The following TNPO3 variants were observed in gnomAD, a reference collection of about 807,000 sequenced individuals.
TNPO3 encodes the protein transportin 3.
In TNPO3, 65 loss-of-function variants were observed where a neutral mutation model predicts 122.8. The ratio of observed to expected loss-of-function variants is 0.53; its 90% CI spans 0.43 to 0.65. The LOEUF (loss-of-function observed/expected upper bound fraction) is 0.65. Among genes scored for constraint, TNPO3 ranks in the 30% least tolerant of loss-of-function variants. TNPO3 has a pLI of 0.00. For missense variants in TNPO3, 850 were observed against 1,136.7 expected (o/e 0.75, Z 3.63); for synonymous variants, 372 against 411.2 (o/e 0.90, Z 1.15).
chr7:128,974,407 T>C (rs1164216156), intron 18 of TNPO3, among the ~76,000 whole-genome samples: 1 of 151,142 alleles, frequency 6.6e-6, no homozygotes, highest in African/African-American at 2.4e-5. Flanking sequence ...ACTGATAAAG[T>C]AGGCTGTGAG....
chr7:129,036,732 A>G (rs1041764503), intron 1 of TNPO3, among the ~76,000 whole-genome samples: 2 of 152,186 alleles, frequency 1.3e-5, no homozygotes, highest in Non-Finnish European at 2.9e-5. Context: ...ATAGCTGATT[A>G]ATATATGCAA....
chr7:128,991,218 C>T (rs971159053), intron 10 of TNPO3, among the ~76,000 whole-genome samples: 1 of 152,106 alleles, frequency 6.6e-6, no homozygotes, highest in Admixed American at 6.5e-5. Flanking sequence ...TAAACCTATT[C>T]GACCTCCTTG....
At chr7:128,981,450 T>A (rs1470617292) in intron 14 of TNPO3, among the ~76,000 whole-genome samples, 1 of 152,224 alleles carries the variant, frequency 6.6e-6, no homozygotes, top group Non-Finnish European at 1.5e-5. Context: ...AACTTCATTA[T>A]ATTTTTGTAC....
At chr7:128,959,428 C>A (rs1254318106) in intron 21 of TNPO3, among the ~76,000 whole-genome samples, 1 of 152,212 alleles carries the variant, frequency 6.6e-6, no homozygotes. Flanking sequence ...AACCTCTGGG[C>A]TCAAGCTATC....
At chr7:129,011,862 C>T (rs1803238298) in intron 4 of TNPO3, among the ~76,000 whole-genome samples, 1 of 152,044 alleles carries the variant, frequency 6.6e-6, no homozygotes, top group Non-Finnish European at 1.5e-5. Context: ...TGTATGATCT[C>T]CAGATGGTTT....
At position 129,005,105 on chromosome 7, in the gene TNPO3, G is replaced by A. The variant is rs1403691073; in HGVS notation, c.607C>T (p.Arg203Cys). ...AAGTTAAACCAACTTCCCAAACAGC[G>A]AAAAACCTTCATAAGCATTTTCTCA... Reference protein sequence around the residue: ...TDEKMLMKVFRCLGSWFNLGV... With the variant: ...TDEKMLMKVFCCLGSWFNLGV... The change falls in exon 5 of 23, where the codon CGC becomes TGC. Residue 203 changes from arginine (R) to cysteine (C), a missense_variant. By Grantham distance (180) the Arg-to-Cys change is radical (BLOSUM62 -3). Transcript: ENST00000265388. 10 of 1,613,838 alleles carry A rather than the reference G, an allele frequency of 6.2e-6. No individual in the cohort carries two copies. The highest frequency in any genetic ancestry group is 1.1e-5 in the South Asian group (1 of 91,074).
chr7:129,031,254 A>C (rs1372601010), intron 1 of TNPO3, among the ~76,000 whole-genome samples: 1 of 152,128 alleles, frequency 6.6e-6, no homozygotes, highest in Non-Finnish European at 1.5e-5. Context: ...AGCCGAGATC[A>C]TGCCACAAGC....
intron 9 of TNPO3, among the ~76,000 whole-genome samples, chr7:128,993,304 C>T (rs967900656): frequency 6.6e-6 from 1 of 152,114 alleles, no homozygotes; most frequent in East Asian, 1.9e-4. Context: ...AAATGTTACT[C>T]AGTGATTGTC....
chr7:129,015,093 G>A lies in TNPO3; in HGVS notation c.438C>T (p.Ile146=). 1.2e-6 allele frequency: 2 copies of A among 1,610,862 alleles called. No homozygotes were observed. The highest frequency in any genetic ancestry group is 1.7e-6 in the Non-Finnish European group (2 of 1,179,356). The change falls in exon 4 of 23, where the codon ATC becomes ATT. Residue 146 remains isoleucine (I), a synonymous_variant. Transcript: ENST00000265388. The part of the protein sequence containing the change: ...DVTSLPFLLE[I]LTVLPEEVHS... ...GTACTTCTTCAGGTAACACTGTAAG[G>A]ATCTCCAGCAAAAAAGGCAAAGAAG...
intron 5 of TNPO3, among the ~76,000 whole-genome samples, chr7:129,002,779 G>A (rs547146047): frequency 2.6e-5 from 4 of 151,868 alleles, no homozygotes; most frequent in African/African-American, 4.8e-5. Context: ...TTGGCCGGGC[G>A]CGGTGGCTCA....
In TNPO3 at chr7:129,014,982, T is replaced by C. The variant is rs965217293; in HGVS notation, c.549A>G (p.Leu183=). 3 of 1,588,280 alleles carry C rather than the reference T, an allele frequency of 1.9e-6. No homozygotes were observed. The highest frequency in any genetic ancestry group is 1.4e-5 in the African/African-American group (1 of 73,126). Residue 183 remains leucine (L), a synonymous_variant, in exon 4 of 23, where the codon CTA becomes CTG. Coordinates refer to ENST00000265388, the MANE Select transcript of TNPO3 (RefSeq NM_012470.4). ...TTAGTATTTCAAACTTACTCACCAA[T>C]AGAGATACTACTGTACTAGAGTAGA... ...LAFYSSTVVS[L]LMTCVEKAGT...
At chr7:128,983,585 T>A (rs975221501) in intron 13 of TNPO3, among the ~76,000 whole-genome samples, 1 of 152,180 alleles carries the variant, frequency 6.6e-6, no homozygotes, top group Admixed American at 6.5e-5. Flanking sequence ...AGCCCATCAA[T>A]CTTATTAAAC....
chr7:129,020,674 C>G (rs1804381878), intron 1 of TNPO3, among the ~76,000 whole-genome samples: 1 of 152,168 alleles, frequency 6.6e-6, no homozygotes, highest in African/African-American at 2.4e-5. Context: ...CTCCTAAACT[C>G]AAGTGATCCT....
intron 12 of TNPO3, 142 bp from the exon 13 acceptor site, chr7:128,984,401 A>G (rs1332046998): frequency 3.9e-6 from 2 of 508,430 alleles, no homozygotes; most frequent in Admixed American, 7.4e-5. Context: ...TTTTAAAATG[A>G]CAACACTTTG....
chr7:128,992,167 T>G (rs1800816333), intron 9 of TNPO3, 77 bp from the exon 10 acceptor site: 1 of 755,058 alleles, frequency 1.3e-6, no homozygotes, highest in Non-Finnish European at 2.2e-6. Context: ...AAAAATCCAG[T>G]TAAAGTAAAT....
intron 17 of TNPO3, 129 bp downstream of exon 17, chr7:128,975,690 A>G (rs1187154225): frequency 7.7e-6 from 5 of 647,612 alleles, no homozygotes; most frequent in African/African-American, 3.6e-5. Flanking sequence ...CCTCCCTGTT[A>G]TTAGGAAATC....
intron 1 of TNPO3, among the ~76,000 whole-genome samples, chr7:129,023,636 C>T (rs1288917198): frequency 1.3e-5 from 2 of 152,142 alleles, no homozygotes; most frequent in African/African-American, 2.4e-5. Context: ...TGGCCAGAGA[C>T]AGGACAATTT....
Position 128,992,652 on chromosome 7 carries a change from C to A in TNPO3, c.1267-562G>T, listed in dbSNP as rs1800865834. ...GGTCCACAATTTCCCAGATTATATC[C>A]ACCTACAGAATGTGACTAAATAATA... On this transcript the variant is annotated intron_variant, in intron 9 of 22. Transcript: ENST00000265388. Among the ~76,000 whole-genome samples, 3 of 152,168 alleles carry A rather than the reference C, an allele frequency of 2.0e-5. No individual in the cohort carries two copies. The South Asian group carries it at 6.2e-4, about 32-fold the overall frequency.
At chr7:128,960,700 A>G (rs1797359580) in intron 21 of TNPO3, among the ~76,000 whole-genome samples, 1 of 151,862 alleles carries the variant, frequency 6.6e-6, no homozygotes, top group African/African-American at 2.4e-5. Flanking sequence ...CCAAGAGTTA[A>G]AAAAAATTTA....
Sources: allele counts gnomAD v4.1 joint callset (sites outside exome capture counted in the v4.1 genomes callset), GRCh38; gene constraint gnomAD v4.1.1; transcripts MANE v1.5; gene names NCBI Gene and HGNC (gene_info 2026-07-23, HGNC 2026-07-21).